The following ADAMTS19 variants were observed in gnomAD, a reference collection of about 807,000 sequenced individuals.
ADAMTS19 encodes ADAM metallopeptidase with thrombospondin type 1 motif 19, also known as A disintegrin and metalloproteinase with thrombospondin motifs 19.
A neutral mutation model predicts 153.3 loss-of-function variants in ADAMTS19; 93 were observed. The observed-to-expected ratio is 0.61, with a 90% confidence interval of 0.51 to 0.72. The LOEUF (loss-of-function observed/expected upper bound fraction) is 0.72, where lower values mean the gene tolerates loss of function less well. Among genes scored for constraint, ADAMTS19 ranks in the 30% least tolerant of loss-of-function variants. ADAMTS19 has a pLI of 0.00. For missense variants in ADAMTS19, 1,482 were observed against 1,552.1 expected (o/e 0.95, Z 0.76); for synonymous variants, 600 against 556.6 (o/e 1.08, Z -1.10).
intron 21 of ADAMTS19, among the ~76,000 whole-genome samples, chr5:129,734,029 C>G (rs1485542495): frequency 3.3e-5 from 5 of 151,508 alleles, no homozygotes; most frequent in African/African-American, 1.2e-4. Flanking sequence ...TTATGTATTT[C>G]ACAGCAACAT....
intron 21 of ADAMTS19, among the ~76,000 whole-genome samples, chr5:129,708,590 CA>C (rs1174701520): frequency 0.078 from 4,802 of 61,816 alleles, 67 homozygotes; most frequent in African/African-American, 0.18. Flanking sequence ...AGCAGAGAAG[CA>C]AAAAAAAAAA....
chr5:129,555,563 C>G (rs926639648), intron 7 of ADAMTS19, among the ~76,000 whole-genome samples: 1 of 152,134 alleles, frequency 6.6e-6, no homozygotes, highest in African/African-American at 2.4e-5. Context: ...AGCTTGGATT[C>G]CTCACCTTTA....
intron 10 of ADAMTS19, among the ~76,000 whole-genome samples, chr5:129,638,870 T>C (rs1249199115): frequency 6.6e-6 from 1 of 152,172 alleles, no homozygotes; most frequent in African/African-American, 2.4e-5. Flanking sequence ...ACAGGTTAGC[T>C]CTGAAGATAA....
intron 6 of ADAMTS19, among the ~76,000 whole-genome samples, chr5:129,540,748 T>C (rs898571895): frequency 6.6e-6 from 1 of 152,114 alleles, no homozygotes; most frequent in Non-Finnish European, 1.5e-5. Context: ...TATTCTCAGA[T>C]GCATCTTCAT....
At chr5:129,725,526 T>C (rs575706986) in intron 21 of ADAMTS19, among the ~76,000 whole-genome samples, 15 of 152,228 alleles carry the variant, frequency 9.9e-5, no homozygotes, top group African/African-American at 2.6e-4. Flanking sequence ...TTGAGCCCAC[T>C]TGCCCAATTC....
intron 7 of ADAMTS19, among the ~76,000 whole-genome samples, chr5:129,572,566 TA>T (rs995554046): frequency 3.9e-5 from 6 of 152,004 alleles, no homozygotes; most frequent in Non-Finnish European, 8.8e-5. Context: ...GGTACATCCA[TA>T]CAAGGAAATG....
chr5:129,698,842 G>C (rs1430297987), intron 19 of ADAMTS19, among the ~76,000 whole-genome samples: 1 of 152,206 alleles, frequency 6.6e-6, no homozygotes, highest in Non-Finnish European at 1.5e-5. Context: ...TGGAAGATGT[G>C]CACTTTAGGA....
intron 7 of ADAMTS19, among the ~76,000 whole-genome samples, chr5:129,560,662 C>T (rs1377406968): frequency 1.3e-5 from 2 of 152,176 alleles, no homozygotes; most frequent in Non-Finnish European, 2.9e-5. Context: ...AGAATTTTCT[C>T]ACTGCTGGAA....
At chr5:129,668,362 G>T (rs1754145977) in intron 16 of ADAMTS19, among the ~76,000 whole-genome samples, 1 of 152,110 alleles carries the variant, frequency 6.6e-6, no homozygotes, top group Non-Finnish European at 1.5e-5. Flanking sequence ...AAATACCATA[G>T]ATTAGGTAGC....
chr5:129,633,686 G>GT (rs530088455), intron 10 of ADAMTS19, among the ~76,000 whole-genome samples: 2 of 152,182 alleles, frequency 1.3e-5, no homozygotes, highest in African/African-American at 4.8e-5. Flanking sequence ...TTCAAAGACT[G>GT]TTTTTTGTTT....
chr5:129,685,792 T>C (rs546411893), intron 18 of ADAMTS19, among the ~76,000 whole-genome samples: 170 of 152,232 alleles, frequency 1.1e-3, no homozygotes, highest in African/African-American at 4.0e-3. Context: ...TGTGCATTTT[T>C]AAGAATCAAA....
chr5:129,649,016 G>C (rs1753196213), intron 13 of ADAMTS19, 46 bp downstream of exon 13: 2 of 1,485,954 alleles, frequency 1.3e-6, no homozygotes, highest in Admixed American at 4.0e-5. Context: ...TAGATTTCTA[G>C]GTTTGCGAAG....
intron 20 of ADAMTS19, among the ~76,000 whole-genome samples, chr5:129,703,446 A>G (rs1379804336): frequency 1.3e-5 from 2 of 152,144 alleles, no homozygotes; most frequent in East Asian, 3.9e-4. Flanking sequence ...GAAATTCTAA[A>G]TTTTGGCTAG....
intron 7 of ADAMTS19, among the ~76,000 whole-genome samples, chr5:129,552,294 G>A (rs912862404): frequency 2.0e-5 from 3 of 151,608 alleles, no homozygotes; most frequent in South Asian, 2.1e-4. Context: ...AAAGACCTTC[G>A]CAGACTGTGT....
At chr5:129,500,146 A>G (rs927190985) in intron 2 of ADAMTS19, among the ~76,000 whole-genome samples, 56 of 152,178 alleles carry the variant, frequency 3.7e-4, no homozygotes, top group African/African-American at 1.3e-3. Context: ...GTTAAAATGA[A>G]TCAGCCACAT....
chr5:129,651,280 A>G (rs1328829088), intron 13 of ADAMTS19, among the ~76,000 whole-genome samples: 3 of 152,134 alleles, frequency 2.0e-5, no homozygotes, highest in Non-Finnish European at 4.4e-5. Flanking sequence ...ATCTAATTGG[A>G]TATCTGCAGG....
At chr5:129,468,816 G>A (rs1275082980) in intron 2 of ADAMTS19, among the ~76,000 whole-genome samples, 4 of 150,834 alleles carry the variant, frequency 2.7e-5, no homozygotes, top group African/African-American at 7.3e-5. Flanking sequence ...TTGTTCTGTC[G>A]GCCAGGCCAG....
At chr5:129,637,543 G>A (rs1318822228) in intron 10 of ADAMTS19, among the ~76,000 whole-genome samples, 2 of 151,948 alleles carry the variant, frequency 1.3e-5, no homozygotes, top group East Asian at 3.9e-4. Context: ...AAACTAACAC[G>A]GGAACAAAAA....
intron 12 of ADAMTS19, among the ~76,000 whole-genome samples, chr5:129,648,550 A>G (rs1753168891): frequency 6.6e-6 from 1 of 152,056 alleles, no homozygotes; most frequent in Non-Finnish European, 1.5e-5. Context: ...CTAATGTATC[A>G]TTTTCATGGC....
Sources: gnomAD v4.1 joint callset for allele counts (sites outside exome capture counted in the v4.1 genomes callset) on GRCh38, gnomAD v4.1.1 for gene constraint, MANE v1.5 for transcripts, NCBI Gene and HGNC (gene_info 2026-07-23, HGNC 2026-07-21) for gene names.